The following KIAA0586 variants were observed in gnomAD, a reference collection of about 807,000 sequenced individuals.
KIAA0586 encodes the protein protein TALPID3.
A neutral mutation model predicts 169.8 loss-of-function variants in KIAA0586; 144 were observed. The ratio of observed to expected loss-of-function variants is 0.85; its 90% CI spans 0.74 to 0.97. The LOEUF (loss-of-function observed/expected upper bound fraction) is 0.97, where lower values mean the gene tolerates loss of function less well. KIAA0586 is among the 50% of genes least tolerant of loss of function. The pLI, the probability that KIAA0586 is intolerant of heterozygous loss-of-function variation, is 0.00. For synonymous variants in KIAA0586, 625 were observed against 612.4 expected (o/e 1.02, Z -0.30); for missense variants, 1,854 against 1,823.0 (o/e 1.02, Z -0.31).
At chr14:58,561,575 T>C in the KIAA0586 span, among the ~76,000 whole-genome samples, 1 of 152,322 alleles carries the variant, frequency 6.6e-6, no homozygotes, top group East Asian at 1.9e-4. Flanking sequence ...ATTTTAGAGT[T>C]TTCTAAAGCT....
At position 58,450,714 on chromosome 14, in the gene KIAA0586, A is replaced by T. The variant is rs59248588; in HGVS notation, c.1097A>T (p.Glu366Val). Residue 366 changes from glutamate to valine, a missense_variant, in exon 8 of 31, where the codon GAA (glutamate) becomes GTA (valine). Physicochemically the swap from Glu to Val is moderately radical, Grantham distance 121. Coordinates refer to ENST00000652326, the MANE Select transcript of KIAA0586 (RefSeq NM_001329943.3). ...ELSKRENLLE[E>V]KENMEVSCHR... ...TCAAAGAGGGAAAATCTTTTGGAAG[A>T]AAAAGAAAATATGGAAGTGTCGTGT... 1.2e-3 allele frequency: 1,861 copies of T among 1,607,360 alleles called. 17 individuals are homozygous for T. The African/African-American group carries it at 0.023, about 20-fold the overall frequency.
intron 20 of KIAA0586, 145 bp from the exon 21 acceptor site, chr14:58,482,368 G>A (rs1184811561): frequency 1.9e-6 from 1 of 531,734 alleles, no homozygotes; most frequent in African/African-American, 2.0e-5. Flanking sequence ...GGCAGTTGCA[G>A]TGAGCCAAGA....
intron 4 of KIAA0586, among the ~76,000 whole-genome samples, chr14:58,435,969 A>G (rs528380771): frequency 1.3e-5 from 2 of 152,246 alleles, no homozygotes; most frequent in African/African-American, 2.4e-5. Context: ...TTGGCCTTCT[A>G]AAGTGCTGGG....
intron 26 of KIAA0586, among the ~76,000 whole-genome samples, chr14:58,495,543 C>T (rs962795217): frequency 2.0e-5 from 3 of 152,214 alleles, no homozygotes; most frequent in South Asian, 2.1e-4. Context: ...AGTGATCCTC[C>T]TGCCTCAGCC....
At chr14:58,539,924 G>T in intron 29 of KIAA0586, 147 bp from the exon 30 acceptor site, 2 of 535,294 alleles carry the variant, frequency 3.7e-6, no homozygotes, top group Non-Finnish European at 3.3e-6. Flanking sequence ...TTACATTCAG[G>T]CCACTAGATC....
intron 30 of KIAA0586, among the ~76,000 whole-genome samples, chr14:58,545,805 C>T (rs958086241): frequency 1.3e-5 from 2 of 151,804 alleles, no homozygotes; most frequent in African/African-American, 4.8e-5. Flanking sequence ...CACTTGAGAC[C>T]AAGGAGTTTG....
chr14:58,458,397 A>T (rs1476248000), intron 11 of KIAA0586, 76 bp from the exon 12 acceptor site: 1 of 750,188 alleles, frequency 1.3e-6, no homozygotes. Flanking sequence ...ACAACTAGAT[A>T]AGAGTTAGAT....
intron 17 of KIAA0586, among the ~76,000 whole-genome samples, chr14:58,470,947 G>T (rs575065400): frequency 6.6e-6 from 1 of 152,144 alleles, no homozygotes; most frequent in African/African-American, 2.4e-5. Context: ...CGCCTCCCGG[G>T]TTCAACCAAT....
chr14:58,560,748 A>T, the KIAA0586 span, among the ~76,000 whole-genome samples: 2 of 152,234 alleles, frequency 1.3e-5, no homozygotes, highest in African/African-American at 2.4e-5. Flanking sequence ...CTGAAAAATA[A>T]CACCCAGAGG....
In KIAA0586 at chr14:58,488,880, T is replaced by A; in HGVS notation, c.3781+6T>A. ...TCAAAAATTGGCCCCCAAGAGTAAG[T>A]TAATTTGTATTAGTTGATTTTACTT... On this transcript the variant is annotated splice_donor_region_variant and intron_variant, in intron 24 of 30. Coordinates refer to ENST00000652326, the MANE Select transcript of KIAA0586 (RefSeq NM_001329943.3). 1.2e-6 allele frequency: 2 copies of A among 1,612,016 alleles called. No individual in the cohort carries two copies. The highest frequency in any genetic ancestry group is 1.7e-6 in the Non-Finnish European group (2 of 1,178,620).
chr14:58,544,360 T>C (rs2046853059), intron 30 of KIAA0586, among the ~76,000 whole-genome samples: 1 of 152,216 alleles, frequency 6.6e-6, no homozygotes, highest in Non-Finnish European at 1.5e-5. Flanking sequence ...GGTAGACTGA[T>C]TTATATTCCT....
intron 4 of KIAA0586, among the ~76,000 whole-genome samples, chr14:58,440,726 T>C (rs1285405548): frequency 2.6e-5 from 4 of 152,152 alleles, no homozygotes; most frequent in Non-Finnish European, 4.4e-5. Context: ...GACATTATGC[T>C]AAGTGAAATA....
chr14:58,458,203 G>T (rs781126540), intron 11 of KIAA0586, among the ~76,000 whole-genome samples: 2 of 151,532 alleles, frequency 1.3e-5, no homozygotes, highest in Non-Finnish European at 1.5e-5. Context: ...TCTTTCTTTG[G>T]TACATATCTT....
intron 19 of KIAA0586, among the ~76,000 whole-genome samples, chr14:58,476,668 C>T (rs1393991659): frequency 2.3e-5 from 3 of 131,638 alleles, no homozygotes; most frequent in Non-Finnish European, 1.6e-5. Context: ...TTCAGAGGTA[C>T]TTTTTTTTTT....
At position 58,444,074 on chromosome 14, in the gene KIAA0586, G is replaced by A. The variant is rs2038644500; in HGVS notation, c.706G>A (p.Glu236Lys). The A allele has an allele frequency of 6.2e-7, 1 of 1,613,500 alleles. No homozygotes were observed. Among genetic ancestry groups the A allele is most frequent in the African/African-American group, 1.3e-5 (1 of 74,920 alleles). The change falls in exon 6 of 31, where the codon GAG (glutamate) becomes AAG (lysine). Residue 236 changes from glutamate (E) to lysine (K), a missense_variant. Coordinates refer to ENST00000652326, the MANE Select transcript of KIAA0586 (RefSeq NM_001329943.3). The stretch of plus-strand genomic sequence containing the variant: ...GCAAACAAGCATTCAGAGGAAACAA[G>A]AGAAATTACATTGTCATGATCACGA... The part of the protein sequence containing the change: ...EQQTSIQRKQ[E>K]KLHCHDHEKQ...
At chr14:58,490,123 GTTTC>G in intron 24 of KIAA0586, 37 bp from the exon 25 acceptor site, 1 of 971,936 alleles carries the variant, frequency 1.0e-6, no homozygotes, top group Non-Finnish European at 1.5e-6. Context: ...CTAAGTTTGT[GTTTC>G]TTTTTTTTTT....
intron 6 of KIAA0586, among the ~76,000 whole-genome samples, chr14:58,446,207 AC>A (rs2038888208): frequency 6.6e-6 from 1 of 151,660 alleles, no homozygotes; most frequent in African/African-American, 2.4e-5. Context: ...TTAAAATATA[AC>A]ATTCAGGCTG....
intron 9 of KIAA0586, among the ~76,000 whole-genome samples, chr14:58,454,300 C>T (rs2039639775): frequency 6.6e-6 from 1 of 152,178 alleles, no homozygotes; most frequent in Non-Finnish European, 1.5e-5. Context: ...AGAAACTTTG[C>T]TCCAGTAAAG....
In KIAA0586 at chr14:58,460,062, A is replaced by G; in HGVS notation, c.1876A>G (p.Arg626Gly). Reference sequence around the variant, plus strand: ...GCCTGCTTCAAGTTTACAGAAAGAGAGAAAGGAAGTAAGATCCTAATCTGT... The same window carrying G: ...GCCTGCTTCAAGTTTACAGAAAGAGGGAAAGGAAGTAAGATCCTAATCTGT... ...GMPASSLQKERKEGLLKATTV... is the reference protein window; with the variant it reads ...GMPASSLQKEGKEGLLKATTV... Residue 626 changes from arginine to glycine, a missense_variant, in exon 13 of 31, where the codon AGA becomes GGA. Arg to Gly is a moderately radical substitution (Grantham distance 125). Transcript: ENST00000652326. 1 of 1,496,384 alleles carries G rather than the reference A, an allele frequency of 6.7e-7. No individual in the cohort carries two copies. The highest frequency in any genetic ancestry group is 9.0e-7 in the Non-Finnish European group (1 of 1,114,558). 92.7% of individuals were successfully genotyped at this position (1,496,384 alleles called of 1,614,324 possible).
Sources: gnomAD v4.1 joint callset for allele counts (sites outside exome capture counted in the v4.1 genomes callset) on GRCh38, gnomAD v4.1.1 for gene constraint, MANE v1.5 for transcripts, NCBI Gene and HGNC (gene_info 2026-07-23, HGNC 2026-07-21) for gene names.